FAAP20: variants seen among roughly 807,000 people sequenced by gnomAD.
FAAP20 encodes the protein FA core complex associated protein 20.
Under a neutral mutation model 16.2 loss-of-function variants are expected in FAAP20, and 12 were observed. The observed-to-expected ratio is 0.74, with a 90% CI of 0.48 to 1.20. The LOEUF is 1.20. FAAP20 is among the 50% of genes most tolerant of loss of function. The probability of loss-of-function intolerance (pLI) is 0.00; values close to 1 mark genes in which losing one functional copy is unlikely to be tolerated. For missense variants in FAAP20, 288 were observed against 245.8 expected, an observed-to-expected ratio of 1.17 and a Z score of -1.15; for synonymous variants, 141 against 110.7, an observed-to-expected ratio of 1.27 and a Z score of -1.72.
upstream of FAAP20, chr1:2,198,174 G>T (rs1195356525): frequency 7.8e-7 from 1 of 1,287,596 alleles, no homozygotes; most frequent in Non-Finnish European, 1.0e-6. Flanking sequence ...GGTTGGGACT[G>T]ACACGTGCAC....
intron 3 of FAAP20, chr1:2,190,532 C>A (rs1423721388): frequency 2.4e-6 from 1 of 412,514 alleles, no homozygotes; most frequent in Admixed American, 2.7e-5. Flanking sequence ...CTGGAAATGA[C>A]CATCACCAGG....
downstream of FAAP20, among the ~76,000 whole-genome samples, chr1:2,208,812 C>T (rs1419435250): frequency 6.6e-6 from 1 of 152,246 alleles, no homozygotes; most frequent in African/African-American, 2.4e-5. Context: ...AGCTCTGTGC[C>T]AGGCTAGGGG....
chr1:2,193,660 C>T lies in FAAP20; in HGVS notation c.449G>A (p.Cys150Tyr). 4 of 1,599,784 alleles carry T rather than the reference C, an allele frequency of 2.5e-6. No individual in the cohort carries two copies. Among genetic ancestry groups the T allele is most frequent in the Non-Finnish European group, 3.4e-6 (4 of 1,176,376 alleles). Residue 150 changes from cysteine to tyrosine, a missense_variant, in exon 3 of 4, where the codon TGC (cysteine) becomes TAC (tyrosine). By Grantham distance (194) the Cys-to-Tyr change is radical. Coordinates refer to ENST00000378546, the MANE Select transcript of FAAP20 (RefSeq NM_182533.4). ...GAAALRSCPM[C>Y]QKEFAPRLTQ... is the part of the protein sequence containing the mutation. ...TCACCTGGGGGCGAACTCCTTCTGG[C>T]ACATGGGGCAGCTGCGCAGGGCCGC...
At chr1:2,203,695 A>G (rs1689133094), upstream of FAAP20, 1 of 967,468 alleles carries the variant, frequency 1.0e-6, no homozygotes. Context: ...AGTTGCCTCA[A>G]ATCCCCTGTT....
Position 2,193,873 on chromosome 1 carries a change from G to A in FAAP20, c.236C>T (p.Thr79Ile), listed in dbSNP as rs765513685. 39 of 1,612,564 alleles carry A rather than the reference G, an allele frequency of 2.4e-5. No homozygotes were observed. The highest frequency in any genetic ancestry group is 1.0e-4 in the Admixed American group (6 of 59,886). Residue 79 changes from threonine (T) to isoleucine (I), a missense_variant, in exon 3 of 4, where the codon ACT becomes ATT. Thr to Ile is a moderately conservative substitution (Grantham distance 89). Coordinates refer to ENST00000378546, the MANE Select transcript of FAAP20 (RefSeq NM_182533.4). ...CCAGGAAAAGGTCTTGGGTCCGACA[G>A]TGAAGACTTCAGTGGGCTCCGGGCC... Reference protein sequence around the residue: ...RCGPEPTEVFTVGPKTFSWTP... With the variant: ...RCGPEPTEVFIVGPKTFSWTP...
downstream of FAAP20, chr1:2,185,471 T>A: frequency 1.4e-6 from 1 of 718,474 alleles, no homozygotes; most frequent in Non-Finnish European, 2.6e-6. Context: ...GGGGGGCAGC[T>A]TAGGAGCCAG....
At chr1:2,184,548 C>T (rs766230396), downstream of FAAP20, 9 of 1,542,446 alleles carry the variant, frequency 5.8e-6, no homozygotes, top group South Asian at 1.1e-5. Flanking sequence ...ATGATGCCCG[C>T]GCGGAGCTGA....
At chr1:2,192,576 C>T (rs776606405) in intron 3 of FAAP20, 43 of 1,053,954 alleles carry the variant, frequency 4.1e-5, no homozygotes, top group Non-Finnish European at 4.6e-5. Context: ...GATCTCAGAG[C>T]TTCAGCCAAG....
downstream of FAAP20, among the ~76,000 whole-genome samples, chr1:2,187,990 G>A (rs1026553253): frequency 6.6e-6 from 1 of 152,226 alleles, no homozygotes; most frequent in African/African-American, 2.4e-5. Flanking sequence ...CCCTAGGGTT[G>A]GAATCACAGT....
upstream of FAAP20, among the ~76,000 whole-genome samples, chr1:2,195,832 T>G (rs1688793251): frequency 6.6e-6 from 1 of 152,024 alleles, no homozygotes; most frequent in Admixed American, 6.5e-5. Flanking sequence ...CCTGCATGAG[T>G]GGTTTTCTTC....
chr1:2,210,610 G>A (rs1287757183), downstream of FAAP20, among the ~76,000 whole-genome samples: 4 of 152,210 alleles, frequency 2.6e-5, no homozygotes, highest in African/African-American at 7.2e-5. Context: ...CCTGCCCTCC[G>A]GGGGCTGTGA....
At chr1:2,210,510 T>C (rs1472316209), downstream of FAAP20, among the ~76,000 whole-genome samples, 1 of 152,090 alleles carries the variant, frequency 6.6e-6, no homozygotes, top group Non-Finnish European at 1.5e-5. Context: ...GCTGATCTAG[T>C]CACAGGCTCT....
upstream of FAAP20, among the ~76,000 whole-genome samples, chr1:2,201,992 G>A (rs1355440880): frequency 6.6e-6 from 1 of 151,060 alleles, no homozygotes; most frequent in Admixed American, 6.6e-5. Context: ...CCTCCAGCCT[G>A]GGCGACAGAG....
chr1:2,203,858 G>T, upstream of FAAP20: 1 of 157,752 alleles, frequency 6.3e-6, no homozygotes, highest in Non-Finnish European at 1.4e-5. Flanking sequence ...CGGGGCATCT[G>T]TCCACTTGTC....
chr1:2,204,281 G>C (rs750935450), upstream of FAAP20, among the ~76,000 whole-genome samples: 1 of 152,280 alleles, frequency 6.6e-6, no homozygotes, highest in Non-Finnish European at 1.5e-5. Context: ...AGCATCGTGA[G>C]CCGTGGTCTG....
downstream of FAAP20, chr1:2,185,855 T>G: frequency 2.6e-6 from 1 of 391,726 alleles, no homozygotes; most frequent in Non-Finnish European, 4.8e-6. Context: ...GCACTGAGAG[T>G]TAGGGAAAAC....
chr1:2,192,183 G>A, intron 3 of FAAP20: 1 of 985,810 alleles, frequency 1.0e-6, no homozygotes, highest in Non-Finnish European at 1.2e-6. Flanking sequence ...GAGTCCCAGG[G>A]CATCCCAGGG....
At chr1:2,197,362 G>C (rs12036767), upstream of FAAP20, among the ~76,000 whole-genome samples, 11,032 of 152,330 alleles carry the variant, frequency 0.072, 505 homozygotes, top group South Asian at 0.11. Flanking sequence ...AGCAGAAGCA[G>C]GGCGGGGTCT....
intron 1 of FAAP20, 134 bp from the exon 2 acceptor site, chr1:2,194,267 T>C (rs1208625676): frequency 1.1e-6 from 1 of 917,434 alleles, no homozygotes; most frequent in African/African-American, 2.6e-5. Context: ...GTGCGGGAGG[T>C]GGCCGGCAGG....
Sources: gnomAD v4.1 joint callset for allele counts (sites outside exome capture counted in the v4.1 genomes callset) on GRCh38, gnomAD v4.1.1 for gene constraint, MANE v1.5 for transcripts, NCBI Gene and HGNC (gene_info 2026-07-23, HGNC 2026-07-21) for gene names.